The following IMMP2L variants were observed in gnomAD, a reference collection of about 807,000 sequenced individuals.
IMMP2L encodes mitochondrial inner membrane protease subunit 2.
In IMMP2L, 18 loss-of-function variants were observed where a neutral mutation model predicts 19.3. The ratio of observed to expected loss-of-function variants is 0.93; its 90% CI spans 0.64 to 1.38. IMMP2L has a LOEUF of 1.38. Ranked by LOEUF, IMMP2L falls within the 40% of genes most tolerant of loss-of-function variation. IMMP2L has a pLI of 0.00. For synonymous variants in IMMP2L, 76 were observed against 73.0 expected, an observed-to-expected ratio of 1.04 and a Z score of -0.21; for missense variants, 233 against 218.2, an observed-to-expected ratio of 1.07 and a Z score of -0.43.
At position 110,877,346 on chromosome 7, in the gene IMMP2L, C is replaced by T. The variant is rs1476247659; in HGVS notation, c.408+9247G>A. Among the ~76,000 whole-genome samples, 1 of 152,142 alleles carries T rather than the reference C, an allele frequency of 6.6e-6. No homozygotes were observed. Among genetic ancestry groups the T allele is most frequent in the Non-Finnish European group, 1.5e-5 (1 of 68,032 alleles). ...TGGCAAAGTTCACAGTCTTTTCACA[C>T]ACAGAATCACTGTGCAATTATACTG... On this transcript the variant is annotated intron_variant, in intron 5 of 5. Coordinates refer to ENST00000405709, the MANE Select transcript of IMMP2L (RefSeq NM_032549.4). The surrounding 1 kb of genome is among the most constrained non-coding windows in gnomAD (Gnocchi z 4.0).
chr7:111,326,808 C>G (rs1584640461), intron 3 of IMMP2L, among the ~76,000 whole-genome samples: 1 of 151,766 alleles, frequency 6.6e-6, no homozygotes, highest in Non-Finnish European at 1.5e-5. Context: ...AAAGAACTAC[C>G]ATTTCTTGGA....
At chr7:110,936,017 C>T (rs923468536) in intron 4 of IMMP2L, among the ~76,000 whole-genome samples, 2 of 152,074 alleles carry the variant, frequency 1.3e-5, no homozygotes, top group African/African-American at 4.8e-5. Flanking sequence ...TGAAACTGGA[C>T]CCCTTCCTTA....
chr7:110,891,339 T>C (rs1421580947), intron 4 of IMMP2L, among the ~76,000 whole-genome samples: 1 of 152,098 alleles, frequency 6.6e-6, no homozygotes, highest in African/African-American at 2.4e-5. Context: ...CTCTTGAGAA[T>C]CCACCTTCCG....
At chr7:111,338,393 C>T (rs577982800) in intron 3 of IMMP2L, among the ~76,000 whole-genome samples, 4 of 151,846 alleles carry the variant, frequency 2.6e-5, no homozygotes, top group South Asian at 4.2e-4. Context: ...ACCATCTACC[C>T]CCACCCCTGT....
intron 3 of IMMP2L, among the ~76,000 whole-genome samples, chr7:111,178,563 C>T (rs1807339863): frequency 6.6e-6 from 1 of 152,054 alleles, no homozygotes; most frequent in South Asian, 2.1e-4. Flanking sequence ...AAATTGAAGT[C>T]AATCCTCTCA....
chr7:111,539,192 GAGGGAGAAAGA>G (rs1173307643), intron 1 of IMMP2L, among the ~76,000 whole-genome samples: 5 of 19,818 alleles, frequency 2.5e-4, no homozygotes, highest in African/African-American at 6.9e-4. Flanking sequence ...AGGAAGGAAG[GAGGGAGAAAGA>G]AAGAAAGAAA....
intron 3 of IMMP2L, among the ~76,000 whole-genome samples, chr7:111,262,859 T>C (rs549792895): frequency 6.6e-6 from 1 of 152,122 alleles, no homozygotes; most frequent in South Asian, 2.1e-4. Context: ...CTCTCTCTCA[T>C]TTGTCTAAGC....
chr7:111,179,227 G>T (rs1241373098), intron 3 of IMMP2L, among the ~76,000 whole-genome samples: 1 of 151,942 alleles, frequency 6.6e-6, no homozygotes, highest in Non-Finnish European at 1.5e-5. Flanking sequence ...TGAGAAGTAG[G>T]TCTCAACAAT....
At chr7:111,223,797 G>C (rs1035969710) in intron 3 of IMMP2L, among the ~76,000 whole-genome samples, 1 of 152,016 alleles carries the variant, frequency 6.6e-6, no homozygotes, top group East Asian at 1.9e-4. Flanking sequence ...AACCTTCATG[G>C]TTACAACAGA....
chr7:110,680,729 C>T (rs10953663), intron 5 of IMMP2L, among the ~76,000 whole-genome samples: 61,195 of 151,976 alleles, frequency 0.4, 15,160 homozygotes, highest in East Asian at 0.72. Flanking sequence ...GCAAAATGAT[C>T]CAGATATTCC....
intron 3 of IMMP2L, among the ~76,000 whole-genome samples, chr7:111,445,673 G>C (rs1407946746): frequency 6.6e-6 from 1 of 151,770 alleles, no homozygotes; most frequent in South Asian, 2.1e-4. Context: ...TTGGGAAATG[G>C]GATTAATTAA....
chr7:111,539,216 A>AGG lies in IMMP2L; in HGVS notation c.-2-17768_-2-17767insCC, dbSNP rs1449664288. 3.5e-3 allele frequency among the ~76,000 whole-genome samples: 349 copies of AGG among 100,874 alleles called. 17 individuals carry two copies. The highest frequency in any genetic ancestry group is 5.1e-3 in the African/African-American group (122 of 23,778). 66.2% of individuals were successfully genotyped at this position (100,874 alleles called of 152,430 possible). A position where few individuals can be genotyped will look rare whatever the true frequency, so the allele number is the denominator to read the frequency against. On this transcript the variant is annotated intron_variant, in intron 1 of 5. Transcript: ENST00000405709. ...GGAGGGAGAAAGAAAGAAAGAAAGA[A>AGG]AGAAAGAAAGAAAGAAAGAAAGAAA...
chr7:110,804,714 G>A (rs769832830), intron 5 of IMMP2L, among the ~76,000 whole-genome samples: 7 of 152,164 alleles, frequency 4.6e-5, no homozygotes, highest in South Asian at 2.1e-4. Context: ...AGCTTTCCCC[G>A]GACTTCCTCC....
intron 1 of IMMP2L, among the ~76,000 whole-genome samples, chr7:111,549,373 CAA>C (rs1406467750): frequency 6.6e-6 from 1 of 152,088 alleles, no homozygotes; most frequent in African/African-American, 2.4e-5. Context: ...AGTTCACAGA[CAA>C]AAAGTGACTT....
chr7:110,712,983 G>A (rs188250602), intron 5 of IMMP2L, among the ~76,000 whole-genome samples: 3 of 151,974 alleles, frequency 2.0e-5, no homozygotes, highest in East Asian at 3.9e-4. Context: ...CGTCACTCAC[G>A]CTGGGAGCTG....
At chr7:111,055,043 TCTTC>T (rs1793371928) in intron 3 of IMMP2L, among the ~76,000 whole-genome samples, 1 of 150,928 alleles carries the variant, frequency 6.6e-6, no homozygotes, top group African/African-American at 2.4e-5. Context: ...TTGACACGTT[TCTTC>T]CTTCTTTTTT....
At chr7:110,738,981 A>G (rs1358973408) in intron 5 of IMMP2L, among the ~76,000 whole-genome samples, 4 of 152,058 alleles carry the variant, frequency 2.6e-5, no homozygotes, top group African/African-American at 9.7e-5. Flanking sequence ...TAAATGAAGG[A>G]AAGATAGTCT....
chr7:111,348,876 G>T (rs1827852212), intron 3 of IMMP2L, among the ~76,000 whole-genome samples: 1 of 152,036 alleles, frequency 6.6e-6, no homozygotes, highest in Non-Finnish European at 1.5e-5. Flanking sequence ...CATCTTATGT[G>T]TATCTCATAA....
At chr7:110,791,738 C>T (rs1288171957) in intron 5 of IMMP2L, among the ~76,000 whole-genome samples, 1 of 151,780 alleles carries the variant, frequency 6.6e-6, no homozygotes, top group Non-Finnish European at 1.5e-5. Flanking sequence ...TTGCCAGATG[C>T]TCTCTGAGAG....
Sources: allele counts gnomAD v4.1 joint callset (sites outside exome capture counted in the v4.1 genomes callset), GRCh38; gene constraint gnomAD v4.1.1; non-coding constraint Gnocchi (gnomAD v3.1); transcripts MANE v1.5; gene names NCBI Gene and HGNC (gene_info 2026-07-23, HGNC 2026-07-21).